The following TMEM117 variants were observed in gnomAD, a reference collection of about 807,000 sequenced individuals.
TMEM117 encodes transmembrane protein 117.
In TMEM117, 27 loss-of-function variants were observed where a neutral mutation model predicts 52.4. That is an observed-to-expected ratio of 0.51 (90% CI 0.38 to 0.71). TMEM117 has a LOEUF of 0.71. TMEM117 is among the 30% of genes least tolerant of loss of function. TMEM117 has a pLI of 0.00. For missense variants in TMEM117, 556 were observed against 630.5 expected, an observed-to-expected ratio of 0.88 and a Z score of 1.26; for synonymous variants, 215 against 206.3, an observed-to-expected ratio of 1.04 and a Z score of -0.36.
chr12:44,362,690 G>A (rs1260151690), intron 6 of TMEM117, among the ~76,000 whole-genome samples: 2 of 152,080 alleles, frequency 1.3e-5, no homozygotes, highest in Non-Finnish European at 2.9e-5. Flanking sequence ...AAAAATAATG[G>A]TTGGAAATCA....
chr12:44,171,517 CTG>C (rs1166046795), intron 4 of TMEM117, among the ~76,000 whole-genome samples: 1 of 152,146 alleles, frequency 6.6e-6, no homozygotes, highest in Non-Finnish European at 1.5e-5. Flanking sequence ...AAATGAAAAA[CTG>C]TTCCTTTTCC....
chr12:43,826,841 C>A, the TMEM117 span, among the ~76,000 whole-genome samples: 1 of 152,030 alleles, frequency 6.6e-6, no homozygotes, highest in East Asian at 1.9e-4. Flanking sequence ...GGATTTTTGT[C>A]TGAGTTGATC....
intron 2 of TMEM117, among the ~76,000 whole-genome samples, chr12:43,871,165 C>T (rs1333031563): frequency 6.6e-6 from 1 of 151,552 alleles, no homozygotes; most frequent in African/African-American, 2.4e-5. Context: ...TGCAGTGGCA[C>T]GATCTCAGCT....
At chr12:44,258,085 T>C (rs1950280160) in intron 5 of TMEM117, among the ~76,000 whole-genome samples, 2 of 152,116 alleles carry the variant, frequency 1.3e-5, no homozygotes, top group South Asian at 4.1e-4. Flanking sequence ...TTTAATTATC[T>C]TTTCCCAAGG....
At chr12:44,159,832 A>T (rs1948875030) in intron 4 of TMEM117, among the ~76,000 whole-genome samples, 1 of 152,194 alleles carries the variant, frequency 6.6e-6, no homozygotes, top group Admixed American at 6.6e-5. Context: ...TCTTGATAAT[A>T]ATACTAAAAA....
At chr12:44,390,022 C>G (rs1183039745), downstream of TMEM117, among the ~76,000 whole-genome samples, 3 of 151,974 alleles carry the variant, frequency 2.0e-5, no homozygotes, top group African/African-American at 7.2e-5. Context: ...TTTGATCTAT[C>G]TACTTTTAAG....
At chr12:43,928,859 C>T (rs1475960152) in intron 2 of TMEM117, among the ~76,000 whole-genome samples, 2 of 151,100 alleles carry the variant, frequency 1.3e-5, no homozygotes, top group Non-Finnish European at 2.9e-5. Flanking sequence ...GTTTTTTGTT[C>T]TTGCGATAGT....
chr12:44,341,499 C>G (rs1951416244), intron 6 of TMEM117, among the ~76,000 whole-genome samples: 1 of 152,078 alleles, frequency 6.6e-6, no homozygotes, highest in Non-Finnish European at 1.5e-5. Context: ...GCTGCATTCT[C>G]TTTAATCATC....
chr12:44,181,054 G>A (rs1949190544), intron 4 of TMEM117, among the ~76,000 whole-genome samples: 1 of 152,216 alleles, frequency 6.6e-6, no homozygotes, highest in Non-Finnish European at 1.5e-5. Flanking sequence ...TCTAACTGGT[G>A]TAAAATGGTA....
At position 44,016,546 on chromosome 12, in the gene TMEM117, A is replaced by T. The variant is rs1385260253; in HGVS notation, c.410+72204A>T. Among the ~76,000 whole-genome samples the T allele has an allele frequency of 5.3e-5, 8 of 152,220 alleles. No homozygotes were observed. In the East Asian group the frequency reaches 1.5e-3, roughly 29 times the overall value. ...TTAATTTTTTTTCTCTAGGGCTTTC[A>T]CTACGTAAGTCTACATTTCAATCAA... On this transcript the variant is annotated intron_variant, in intron 3 of 7. Coordinates refer to ENST00000266534, the MANE Select transcript of TMEM117 (RefSeq NM_032256.3).
rs373993811 is a variant in TMEM117 at position 44,235,982 on chromosome 12, G to A, written c.608+24595G>A. On this transcript the variant is annotated intron_variant, in intron 5 of 7. Coordinates refer to ENST00000266534, the MANE Select transcript of TMEM117 (RefSeq NM_032256.3). Reference sequence around the variant, plus strand: ...CATTGTTTCTGTTAAGGAGATGGCCGCTTAGTCTGTCCTTTCTCTGTAGCT... The same window carrying A: ...CATTGTTTCTGTTAAGGAGATGGCCACTTAGTCTGTCCTTTCTCTGTAGCT... 1.5e-4 allele frequency among the ~76,000 whole-genome samples: 23 copies of A among 151,774 alleles called. No homozygotes were observed. The East Asian group carries it at 3.1e-3, about 20-fold the overall frequency.
chr12:44,148,997 T>C (rs1003425741), intron 4 of TMEM117, among the ~76,000 whole-genome samples: 1 of 152,226 alleles, frequency 6.6e-6, no homozygotes, highest in African/African-American at 2.4e-5. Context: ...AACCAGGCTA[T>C]GCACTTCTTC....
intron 3 of TMEM117, among the ~76,000 whole-genome samples, chr12:44,140,772 G>C (rs74820611): frequency 0.02 from 3,019 of 152,174 alleles, 84 homozygotes; most frequent in East Asian, 0.057. Flanking sequence ...CCAGAGGGCT[G>C]TATTCTCTTG....
intron 5 of TMEM117, among the ~76,000 whole-genome samples, chr12:44,299,161 C>T (rs1273606294): frequency 1.4e-5 from 2 of 138,244 alleles, no homozygotes; most frequent in East Asian, 2.1e-4. Flanking sequence ...GATGGAGTCT[C>T]GCTCTGTCAC....
intron 2 of TMEM117, among the ~76,000 whole-genome samples, chr12:43,884,133 C>CAAAAAAAA (rs758603064): frequency 1.4e-5 from 1 of 69,618 alleles, no homozygotes. Flanking sequence ...GATACCATCT[C>CAAAAAAAA]AAAAAAAAAA....
chr12:43,941,636 TA>T (rs1351210999), intron 2 of TMEM117, among the ~76,000 whole-genome samples: 1 of 152,224 alleles, frequency 6.6e-6, no homozygotes, highest in Non-Finnish European at 1.5e-5. Context: ...AGTTAACCTT[TA>T]AGTAGCTTAT....
intron 3 of TMEM117, among the ~76,000 whole-genome samples, chr12:44,046,329 CAAGG>C (rs1946880578): frequency 6.6e-6 from 1 of 152,144 alleles, no homozygotes; most frequent in Non-Finnish European, 1.5e-5. Context: ...AACAGACTAA[CAAGG>C]GAGTTTCAGT....
chr12:44,074,219 A>G (rs1017706018), intron 3 of TMEM117, among the ~76,000 whole-genome samples: 6 of 152,208 alleles, frequency 3.9e-5, no homozygotes, highest in Non-Finnish European at 7.3e-5. Context: ...AGGTAATCAT[A>G]CAATTTTTCA....
chr12:44,140,846 C>G (rs1948560933), intron 3 of TMEM117, among the ~76,000 whole-genome samples: 1 of 152,044 alleles, frequency 6.6e-6, no homozygotes, highest in Admixed American at 6.6e-5. Context: ...GTTGCCAAAC[C>G]TCCCTAATGC....
Sources: allele counts gnomAD v4.1 joint callset (sites outside exome capture counted in the v4.1 genomes callset), GRCh38; gene constraint gnomAD v4.1.1; transcripts MANE v1.5; gene names NCBI Gene and HGNC (gene_info 2026-07-23, HGNC 2026-07-21).